Variants in MINDY2 observed in about 807,000 individuals in gnomAD.
The protein encoded by MINDY2 is MINDY lysine 48 deubiquitinase 2.
In MINDY2, 52 loss-of-function variants were observed where a neutral mutation model predicts 68.2. The observed-to-expected ratio is 0.76, with a 90% CI of 0.61 to 0.96. The LOEUF (loss-of-function observed/expected upper bound fraction) is 0.96. MINDY2 is among the 40% of genes least tolerant of loss of function. The probability of loss-of-function intolerance (pLI) is 0.00; values close to 1 mark genes in which losing one functional copy is unlikely to be tolerated. For synonymous variants in MINDY2, 372 were observed against 303.0 expected (o/e 1.23, Z -2.36); for missense variants, 881 against 773.4 (o/e 1.14, Z -1.65).
At chr15:58,837,160 T>C (rs1340795738) in intron 6 of MINDY2, among the ~76,000 whole-genome samples, 2 of 152,240 alleles carry the variant, frequency 1.3e-5, no homozygotes, top group Non-Finnish European at 1.5e-5. Flanking sequence ...CTTTGTTCTA[T>C]TAAGGCTGTT....
Position 58,771,920 on chromosome 15 carries a change from T to A in MINDY2, c.525T>A (p.Ser175=). ...SPPGESPSLD[S]LESFSNLHSF... is the part of the protein sequence containing the mutation. ...CTGGGGAATCTCCGAGCCTGGACTC[T>A]CTGGAGTCGTTCTCTAACCTGCATT... is the stretch of plus-strand genomic sequence containing the variant. Residue 175 remains serine, a synonymous_variant, in exon 1 of 9, where the codon TCT becomes TCA. Transcript: ENST00000559228. The A allele has an allele frequency of 6.4e-7, 1 of 1,555,666 alleles. No individual in the cohort carries two copies. Among genetic ancestry groups the A allele is most frequent in the Non-Finnish European group, 8.7e-7 (1 of 1,152,758 alleles).
intron 1 of MINDY2, 133 bp downstream of exon 1, chr15:58,772,368 C>A: frequency 7.5e-7 from 1 of 1,337,442 alleles, no homozygotes; most frequent in Non-Finnish European, 1.0e-6. Context: ...GAAATTCATT[C>A]CAAGACTTCC....
intron 5 of MINDY2, among the ~76,000 whole-genome samples, chr15:58,830,348 A>G (rs2031646009): frequency 6.6e-6 from 1 of 152,170 alleles, no homozygotes; most frequent in African/African-American, 2.4e-5. Context: ...CGTTAAACTC[A>G]CAGCCAACAG....
chr15:58,820,107 A>T (rs1220419401), intron 4 of MINDY2, among the ~76,000 whole-genome samples: 1 of 152,108 alleles, frequency 6.6e-6, no homozygotes, highest in Non-Finnish European at 1.5e-5. Flanking sequence ...CTCTACTAAA[A>T]ATACAAAAAT....
At chr15:58,829,271 T>C (rs2031588490) in intron 5 of MINDY2, among the ~76,000 whole-genome samples, 1 of 152,228 alleles carries the variant, frequency 6.6e-6, no homozygotes, top group Non-Finnish European at 1.5e-5. Context: ...TTACGAAACA[T>C]TGTTTTTTCT....
In MINDY2 at chr15:58,771,938, C is replaced by G. The variant is rs1900443153; in HGVS notation, c.543C>G (p.Asn181Lys). 1 of 1,554,820 alleles carries G rather than the reference C, an allele frequency of 6.4e-7. No homozygotes were observed. Among genetic ancestry groups the G allele is most frequent in the African/African-American group, 1.4e-5 (1 of 73,026 alleles). ...PSLDSLESFS[N>K]LHSFPSSCEF... ...TGGACTCTCTGGAGTCGTTCTCTAA[C>G]CTGCATTCTTTTCCCAGTAGCTGCG... is the stretch of plus-strand genomic sequence containing the variant. The change falls in exon 1 of 9, where the codon AAC becomes AAG. Residue 181 changes from asparagine to lysine, a missense_variant. Transcript: ENST00000559228.
chr15:58,831,556 A>T (rs2031727528), intron 5 of MINDY2, among the ~76,000 whole-genome samples: 1 of 152,176 alleles, frequency 6.6e-6, no homozygotes, highest in Non-Finnish European at 1.5e-5. Flanking sequence ...ATAAAAAAGA[A>T]TTTCACATAA....
intron 6 of MINDY2, among the ~76,000 whole-genome samples, chr15:58,843,181 G>A (rs906703582): frequency 6.6e-5 from 10 of 152,032 alleles, no homozygotes; most frequent in East Asian, 1.9e-4. Context: ...ACAGAGTCTC[G>A]CTCTGTCGCC....
intron 1 of MINDY2, among the ~76,000 whole-genome samples, chr15:58,787,140 C>T (rs1367383611): frequency 2.0e-4 from 16 of 78,152 alleles, no homozygotes; most frequent in African/African-American, 3.9e-4. Flanking sequence ...CATTTCTTTA[C>T]TTTTTTTTTT....
In MINDY2 at chr15:58,799,233, T is replaced by C. The variant is rs548329997; in HGVS notation, c.899-3080T>C. 7.0e-4 allele frequency among the ~76,000 whole-genome samples: 106 copies of C among 152,322 alleles called. 2 individuals are homozygous for C. In the South Asian group the frequency reaches 0.014, roughly 20 times the overall value. ...AGCTATTTAGATGTTCTGTTGAGAT[T>C]ACTCCATTTCTCTGGAGAAAAAAGA... On this transcript the variant is annotated intron_variant, in intron 2 of 8. Transcript: ENST00000559228.
chr15:58,840,948 G>A (rs1165610997), intron 6 of MINDY2, among the ~76,000 whole-genome samples: 4 of 145,578 alleles, frequency 2.7e-5, no homozygotes, highest in Non-Finnish European at 6.0e-5. Context: ...AATTACAGGT[G>A]TAAGCCACTG....
chr15:58,826,497 G>A (rs2031405016), intron 5 of MINDY2, among the ~76,000 whole-genome samples: 1 of 151,710 alleles, frequency 6.6e-6, no homozygotes, highest in Non-Finnish European at 1.5e-5. Flanking sequence ...CCAAAGTGCT[G>A]GTATTACAGA....
chr15:58,813,116 C>A (rs982999223), intron 4 of MINDY2, among the ~76,000 whole-genome samples: 7 of 152,186 alleles, frequency 4.6e-5, no homozygotes, highest in Middle Eastern at 3.2e-3. Flanking sequence ...CAGATTGTTG[C>A]ATCTATCAGT....
chr15:58,835,441 T>G (rs1595765977), intron 6 of MINDY2, among the ~76,000 whole-genome samples: 3 of 152,064 alleles, frequency 2.0e-5, no homozygotes, highest in Admixed American at 2.0e-4. Context: ...TCACTTGAGG[T>G]CAGGAGTTTG....
At chr15:58,789,583 G>A (rs910102532) in intron 2 of MINDY2, among the ~76,000 whole-genome samples, 16 of 150,916 alleles carry the variant, frequency 1.1e-4, no homozygotes, top group African/African-American at 3.2e-4. Context: ...TCAGCCTCCC[G>A]AGTAACTGGG....
intron 6 of MINDY2, among the ~76,000 whole-genome samples, chr15:58,846,304 A>G (rs1293363681): frequency 2.6e-5 from 4 of 152,176 alleles, no homozygotes; most frequent in African/African-American, 9.7e-5. Context: ...GTATCAAAAT[A>G]CCATGTAGGC....
At chr15:58,820,581 A>G (rs2030996086) in intron 4 of MINDY2, among the ~76,000 whole-genome samples, 1 of 152,190 alleles carries the variant, frequency 6.6e-6, no homozygotes, top group Admixed American at 6.5e-5. Context: ...GGCTTTTAGT[A>G]TTGTAGACTT....
intron 3 of MINDY2, among the ~76,000 whole-genome samples, chr15:58,807,055 G>C (rs1335946245): frequency 6.6e-6 from 1 of 152,168 alleles, no homozygotes; most frequent in Admixed American, 6.6e-5. Context: ...TCATAAAACA[G>C]AACTTCATTT....
rs147118971 is a variant in MINDY2, at chr15:58,786,067, T to A, written c.841-1839T>A. On this transcript the variant is annotated intron_variant, in intron 1 of 8. Coordinates refer to ENST00000559228, the MANE Select transcript of MINDY2 (RefSeq NM_001040450.3). ...CTCTTGGTTTTTACTGAATAATAAA[T>A]CTACTGGATGACTAAATATAACTAT... Among the ~76,000 whole-genome samples the A allele has an allele frequency of 1.4e-4, 22 of 152,334 alleles. No homozygotes were observed. In the East Asian group the frequency reaches 3.9e-3, roughly 27 times the overall value.
Sources: allele counts gnomAD v4.1 joint callset (sites outside exome capture counted in the v4.1 genomes callset), GRCh38; gene constraint gnomAD v4.1.1; transcripts MANE v1.5; gene names NCBI Gene and HGNC (gene_info 2026-07-23, HGNC 2026-07-21).